The following MSRA variants were observed in gnomAD, a reference collection of about 807,000 sequenced individuals.
MSRA encodes mitochondrial peptide methionine sulfoxide reductase.
A neutral mutation model predicts 31.3 loss-of-function variants in MSRA; 54 were observed. The ratio of observed to expected loss-of-function variants is 1.73; its 90% CI spans 1.39 to 2.17. The LOEUF is 2.17. Ranked by LOEUF, MSRA falls within the 30% of genes most tolerant of loss-of-function variation. The probability of loss-of-function intolerance (pLI) is 0.00; values close to 1 mark genes in which losing one functional copy is unlikely to be tolerated. For synonymous variants in MSRA, 169 were observed against 116.5 expected, an observed-to-expected ratio of 1.45 and a Z score of -2.90; for missense variants, 507 against 300.9, an observed-to-expected ratio of 1.69 and a Z score of -5.07.
intron 5 of MSRA, among the ~76,000 whole-genome samples, chr8:10,354,232 A>G (rs1804370863): frequency 6.6e-6 from 1 of 152,256 alleles, no homozygotes; most frequent in Non-Finnish European, 1.5e-5. Context: ...TAGACAAGTT[A>G]GCTCACTGAA....
chr8:10,274,009 C>G (rs1377153312), intron 3 of MSRA, among the ~76,000 whole-genome samples: 1 of 152,132 alleles, frequency 6.6e-6, no homozygotes. Flanking sequence ...AAGGAAGCCT[C>G]TGGGAACCAG....
At chr8:10,387,618 G>T (rs1031510017) in intron 5 of MSRA, among the ~76,000 whole-genome samples, 3 of 152,106 alleles carry the variant, frequency 2.0e-5, no homozygotes, top group African/African-American at 7.2e-5. Context: ...GAAGGTGAGG[G>T]GTGCAAGTTC....
At position 10,206,356 on chromosome 8, in the gene MSRA, G is replaced by A. The variant is rs1224333980; in HGVS notation, c.143-1477G>A. ...CTACAGACCTCTATAAGGCCACTGA[G>A]CCCACCACCTTGCCCTCAGAACCCT... On this transcript the variant is annotated intron_variant, in intron 1 of 5. Transcript: ENST00000317173. Among the ~76,000 whole-genome samples, 13 of 152,134 alleles carry A rather than the reference G, an allele frequency of 8.5e-5. No homozygotes were observed. The East Asian group carries it at 2.5e-3, about 29-fold the overall frequency.
intron 2 of MSRA, among the ~76,000 whole-genome samples, chr8:10,237,748 C>G (rs1163252037): frequency 6.6e-6 from 1 of 152,212 alleles, no homozygotes; most frequent in Non-Finnish European, 1.5e-5. Flanking sequence ...TTCTCTCAAA[C>G]TCTGTGTCAA....
At position 10,336,593 on chromosome 8, in the gene MSRA, A is replaced by G. The variant is rs991803422; in HGVS notation, c.543+16604A>G. ...GGAAAGAGACAATATTGGGCAAACCAGTGAAATTAGGCTCTTGTTTACATG... is the reference window on the plus strand; with the variant it reads ...GGAAAGAGACAATATTGGGCAAACCGGTGAAATTAGGCTCTTGTTTACATG... On this transcript the variant is annotated intron_variant, in intron 5 of 5. Transcript: ENST00000317173. 1.1e-4 allele frequency among the ~76,000 whole-genome samples: 16 copies of G among 152,208 alleles called. 1 individual carries two copies. The highest frequency in any genetic ancestry group is 4.1e-4 in the South Asian group (2 of 4,830).
chr8:10,338,132 G>GTACTTT (rs1803173679), intron 5 of MSRA, among the ~76,000 whole-genome samples: 1 of 152,202 alleles, frequency 6.6e-6, no homozygotes, highest in African/African-American at 2.4e-5. Flanking sequence ...ACCACTGTAT[G>GTACTTT]CACACTTGTG....
chr8:10,398,978 C>T (rs947592672), intron 5 of MSRA, among the ~76,000 whole-genome samples: 2 of 152,160 alleles, frequency 1.3e-5, no homozygotes, highest in African/African-American at 4.8e-5. Flanking sequence ...AGGGACGGCT[C>T]TGGGAAAAAG....
intron 1 of MSRA, among the ~76,000 whole-genome samples, chr8:10,154,591 A>G (rs1563159376): frequency 6.6e-6 from 1 of 152,014 alleles, no homozygotes; most frequent in Non-Finnish European, 1.5e-5. Context: ...GTTAGTCAGG[A>G]TGGTCTTGAT....
At chr8:10,335,398 C>T (rs1489739426) in intron 5 of MSRA, among the ~76,000 whole-genome samples, 1 of 151,994 alleles carries the variant, frequency 6.6e-6, no homozygotes, top group Non-Finnish European at 1.5e-5. Context: ...GGCTCCAAAG[C>T]CGCGAGGACA....
At chr8:10,231,936 G>C (rs1386887475) in intron 2 of MSRA, among the ~76,000 whole-genome samples, 1 of 151,046 alleles carries the variant, frequency 6.6e-6, no homozygotes, top group Non-Finnish European at 1.5e-5. Context: ...AAAATAAAAG[G>C]GTAAACAGGA....
At chr8:10,390,777 A>G (rs1585659753) in intron 5 of MSRA, among the ~76,000 whole-genome samples, 1 of 152,124 alleles carries the variant, frequency 6.6e-6, no homozygotes, top group Non-Finnish European at 1.5e-5. Flanking sequence ...GTTAAACTAC[A>G]TGTTAAAACA....
At chr8:10,330,212 C>A (rs1038735492) in intron 5 of MSRA, among the ~76,000 whole-genome samples, 4 of 151,340 alleles carry the variant, frequency 2.6e-5, no homozygotes, top group Admixed American at 2.0e-4. Flanking sequence ...GATATACACA[C>A]ACACACACAC....
At chr8:10,078,416 G>A (rs1052193174) in intron 1 of MSRA, among the ~76,000 whole-genome samples, 1 of 152,194 alleles carries the variant, frequency 6.6e-6, no homozygotes, top group Non-Finnish European at 1.5e-5. Context: ...AGGCTCACTG[G>A]GGACCCTTGG....
chr8:10,351,144 G>A (rs1474236573), intron 5 of MSRA, among the ~76,000 whole-genome samples: 1 of 150,682 alleles, frequency 6.6e-6, no homozygotes, highest in African/African-American at 2.5e-5. Context: ...CCTCGGTGGT[G>A]ACACCTTGTC....
intron 5 of MSRA, among the ~76,000 whole-genome samples, chr8:10,347,670 T>C (rs1014583873): frequency 2.6e-5 from 4 of 152,362 alleles, no homozygotes; most frequent in East Asian, 1.9e-4. Flanking sequence ...TTCTGTCTTA[T>C]GGGAAACCCT....
chr8:10,315,326 C>G lies in MSRA; in HGVS notation c.437-4557C>G, dbSNP rs184727046. On this transcript the variant is annotated intron_variant, in intron 4 of 5. Transcript: ENST00000317173. ...TGTGCTAAAGAAATTATTGCAAAAA[C>G]CAGGTGTGGTACAACCAGAGAGAGG... Among the ~76,000 whole-genome samples, 37 of 152,190 alleles carry G rather than the reference C, an allele frequency of 2.4e-4. 1 individual carries two copies. Among genetic ancestry groups the G allele is most frequent in the Admixed American group, 2.2e-3 (33 of 15,278 alleles).
At chr8:10,079,241 C>A (rs6990444) in intron 1 of MSRA, among the ~76,000 whole-genome samples, 9,222 of 152,114 alleles carry the variant, frequency 0.061, 913 homozygotes, top group African/African-American at 0.21. Context: ...TTACTGCAGC[C>A]TCGACATCCT....
intron 4 of MSRA, among the ~76,000 whole-genome samples, chr8:10,307,387 G>A (rs1167346759): frequency 6.6e-6 from 1 of 151,994 alleles, no homozygotes; most frequent in Non-Finnish European, 1.5e-5. Flanking sequence ...GGCTGGTCTG[G>A]AACTCCTGGG....
chr8:10,417,768 G>GTGTGTGTGTGTC (rs1808565928), intron 5 of MSRA, among the ~76,000 whole-genome samples: 1 of 150,750 alleles, frequency 6.6e-6, no homozygotes, highest in Non-Finnish European at 1.5e-5. Flanking sequence ...GTGTGTGTGT[G>GTGTGTGTGTGTC]TGTGTGTGTG....
Sources: allele counts gnomAD v4.1 joint callset (sites outside exome capture counted in the v4.1 genomes callset), GRCh38; gene constraint gnomAD v4.1.1; transcripts MANE v1.5; gene names NCBI Gene and HGNC (gene_info 2026-07-23, HGNC 2026-07-21).